IL1RAPL1: variants seen among roughly 807,000 people sequenced by gnomAD.
IL1RAPL1 encodes the protein interleukin 1 receptor accessory protein like 1, also known as interleukin-1 receptor accessory protein-like 1.
In IL1RAPL1, 3 loss-of-function variants were observed where a neutral mutation model predicts 48.4. The observed-to-expected ratio is 0.06, with a 90% confidence interval of 0.03 to 0.16. The LOEUF (loss-of-function observed/expected upper bound fraction) is 0.16. Ranked by LOEUF, IL1RAPL1 falls within the 10% of genes least tolerant of loss-of-function variation. The pLI, the probability that IL1RAPL1 is intolerant of heterozygous loss-of-function variation, is 1.00. For missense variants in IL1RAPL1, 349 were observed against 530.6 expected (o/e 0.66, Z 3.36); for synonymous variants, 185 against 187.7 (o/e 0.99, Z 0.12).
intron 1 of IL1RAPL1, among the ~76,000 whole-genome samples, chrX:28,768,353 G>C (rs1936265375): frequency 9.0e-6 from 1 of 110,586 alleles, no homozygotes; most frequent in Admixed American, 9.7e-5. Context: ...TCCAAGCACA[G>C]TTATGACACT....
At chrX:29,623,036 C>T (rs1040438001) in intron 5 of IL1RAPL1, among the ~76,000 whole-genome samples, 51 of 107,570 alleles carry the variant, frequency 4.7e-4, no homozygotes, top group African/African-American at 1.4e-3. Flanking sequence ...TTTGGGAGGC[C>T]GAGGCGGGCG....
chrX:28,707,158 G>A (rs1033002640), intron 1 of IL1RAPL1, among the ~76,000 whole-genome samples: 6 of 111,943 alleles, frequency 5.4e-5, no homozygotes, highest in Admixed American at 9.5e-5. Context: ...TGTTTACTTC[G>A]AACGCCTGTG....
At chrX:29,608,602 G>A (rs975693586) in intron 5 of IL1RAPL1, among the ~76,000 whole-genome samples, 4 of 110,555 alleles carry the variant, frequency 3.6e-5, no homozygotes, top group East Asian at 2.8e-4. Flanking sequence ...CAAGGTGGGC[G>A]GATCACGAGG....
At position 29,482,238 on chromosome X, in the gene IL1RAPL1, G is replaced by T. The variant is rs375102010; in HGVS notation, c.703+82930G>T. On this transcript the variant is annotated intron_variant, in intron 5 of 10. Transcript: ENST00000378993. ...ATTATACACAGGTGATTAGCACAGAGGCAGCATAACATATTAATGAAGACC... is the reference window on the plus strand; with the variant it reads ...ATTATACACAGGTGATTAGCACAGATGCAGCATAACATATTAATGAAGACC... Among the ~76,000 whole-genome samples, 39 of 111,488 alleles carry T rather than the reference G, an allele frequency of 3.5e-4. No individual in the cohort carries two copies. The South Asian group carries it at 0.013, about 38-fold the overall frequency.
intron 3 of IL1RAPL1, among the ~76,000 whole-genome samples, chrX:29,392,433 G>A (rs1434027116): frequency 8.9e-6 from 1 of 112,483 alleles, no homozygotes; most frequent in Non-Finnish European, 1.9e-5. Flanking sequence ...GTTTATTAAT[G>A]TGTCACAAGT....
chrX:28,678,736 T>A (rs1030530698), intron 1 of IL1RAPL1, among the ~76,000 whole-genome samples: 1 of 112,023 alleles, frequency 8.9e-6, no homozygotes, highest in African/African-American at 3.2e-5. Flanking sequence ...ATTATCAATG[T>A]CAAGGCTAAA....
At chrX:28,704,452 A>G (rs74499076) in intron 1 of IL1RAPL1, among the ~76,000 whole-genome samples, 2 of 97,703 alleles carry the variant, frequency 2.0e-5, no homozygotes, top group African/African-American at 3.6e-5. Context: ...ACACACACAC[A>G]CACGCATGCA....
At chrX:29,616,324 CT>C (rs57186880) in intron 5 of IL1RAPL1, among the ~76,000 whole-genome samples, 9,608 of 102,248 alleles carry the variant, frequency 0.094, 670 homozygotes, top group East Asian at 0.25. Flanking sequence ...AGGAGGGATT[CT>C]TTTTTTTTTT....
chrX:29,469,945 A>G (rs714723), intron 5 of IL1RAPL1, among the ~76,000 whole-genome samples: 12,311 of 111,607 alleles, frequency 0.11, 1,147 homozygotes, highest in African/African-American at 0.31. Context: ...GTAAAGCTGA[A>G]TTTCACTGCA....
At chrX:28,621,071 T>C (rs761086848) in intron 1 of IL1RAPL1, among the ~76,000 whole-genome samples, 1 of 112,426 alleles carries the variant, frequency 8.9e-6, no homozygotes, top group East Asian at 2.8e-4. Flanking sequence ...ACTACCAGAC[T>C]AAAGTATCTG....
intron 5 of IL1RAPL1, among the ~76,000 whole-genome samples, chrX:29,630,421 G>C (rs979211078): frequency 1.2e-4 from 13 of 111,741 alleles, no homozygotes; most frequent in Admixed American, 3.8e-4. Flanking sequence ...GAAGGACTTC[G>C]TTGCTGTAGA....
At chrX:29,106,698 T>A (rs1464235837) in intron 2 of IL1RAPL1, among the ~76,000 whole-genome samples, 1 of 111,941 alleles carries the variant, frequency 8.9e-6, no homozygotes, top group African/African-American at 3.2e-5. Context: ...AATTTGAGCA[T>A]AATCTAGGTT....
chrX:29,829,209 CACAA>C (rs1930815411), intron 6 of IL1RAPL1, among the ~76,000 whole-genome samples: 1 of 88,224 alleles, frequency 1.1e-5, no homozygotes, highest in African/African-American at 4.2e-5. Flanking sequence ...CACACACACA[CACAA>C]TGTTATTACA....
intron 2 of IL1RAPL1, among the ~76,000 whole-genome samples, chrX:29,157,873 C>T (rs929835032): frequency 5.4e-5 from 6 of 111,529 alleles, no homozygotes; most frequent in African/African-American, 2.0e-4. Flanking sequence ...CATTAAATCA[C>T]ATTAAAAAAT....
chrX:29,922,648 T>C (rs1348977133), intron 8 of IL1RAPL1, among the ~76,000 whole-genome samples: 1 of 112,079 alleles, frequency 8.9e-6, no homozygotes, highest in Non-Finnish European at 1.9e-5. Context: ...ACCTGAACTT[T>C]ACCAGCCCTG....
rs1198851949 is a variant in IL1RAPL1 at position 29,358,199 on chromosome X, A to G, written c.363-38059A>G. 2.7e-5 allele frequency among the ~76,000 whole-genome samples: 3 copies of G among 111,315 alleles called. No individual in the cohort carries two copies. The Admixed American group carries it at 2.9e-4, about 11-fold the overall frequency. Reference sequence around the variant, plus strand: ...GACAGAAGGAGGGATAGGAGACAAGAGGGCAGGAGGTCAGAAAGAGAATTT... The same window carrying G: ...GACAGAAGGAGGGATAGGAGACAAGGGGGCAGGAGGTCAGAAAGAGAATTT... On this transcript the variant is annotated intron_variant, in intron 3 of 10. Coordinates refer to ENST00000378993, the MANE Select transcript of IL1RAPL1 (RefSeq NM_014271.4).
intron 2 of IL1RAPL1, among the ~76,000 whole-genome samples, chrX:29,046,454 C>A (rs142856659): frequency 1.1e-4 from 12 of 111,503 alleles, no homozygotes; most frequent in Non-Finnish European, 2.1e-4. Flanking sequence ...CATTGTATGC[C>A]AGGCTAAGCA....
At chrX:28,935,583 G>C (rs1275439955) in intron 2 of IL1RAPL1, among the ~76,000 whole-genome samples, 1 of 111,073 alleles carries the variant, frequency 9.0e-6, no homozygotes. Context: ...CTTCCCTGAG[G>C]GTTATGTCTT....
intron 2 of IL1RAPL1, among the ~76,000 whole-genome samples, chrX:29,121,803 AG>A (rs1255073549): frequency 2.1e-4 from 24 of 112,010 alleles, no homozygotes; most frequent in African/African-American, 6.2e-4. Context: ...ACAGGTTGCC[AG>A]GATTAGAACA....
Sources: gnomAD v4.1 joint callset for allele counts (sites outside exome capture counted in the v4.1 genomes callset) on GRCh38, gnomAD v4.1.1 for gene constraint, MANE v1.5 for transcripts, NCBI Gene and HGNC (gene_info 2026-07-23, HGNC 2026-07-21) for gene names.